The following SLC22A2 variants were observed in gnomAD, a reference collection of about 807,000 sequenced individuals.
SLC22A2 encodes solute carrier family 22 member 2.
SLC22A2 carries 46 observed loss-of-function variants against 60.5 expected under a neutral mutation model. The ratio of observed to expected loss-of-function variants is 0.76; its 90% CI spans 0.60 to 0.97. The LOEUF is 0.97. Among genes scored for constraint, SLC22A2 ranks in the 50% least tolerant of loss-of-function variants. The pLI, the probability that SLC22A2 is intolerant of heterozygous loss-of-function variation, is 0.00. For missense variants in SLC22A2, 701 were observed against 706.6 expected (o/e 0.99, Z 0.09); for synonymous variants, 303 against 267.0 (o/e 1.13, Z -1.31).
In SLC22A2 at chr6:160,243,650, T is replaced by C. The variant is rs1332039391; in HGVS notation, c.1201A>G (p.Ile401Val). The C allele has an allele frequency of 1.9e-6, 3 of 1,613,918 alleles. No individual in the cohort carries two copies. In the East Asian group the frequency reaches 6.7e-5, roughly 36 times the overall value. The change falls in exon 7 of 11, where the codon ATC becomes GTC. Residue 401 changes from isoleucine to valine, a missense_variant. Ile to Val is a conservative substitution (Grantham distance 29, BLOSUM62 3). Coordinates refer to ENST00000366953, the MANE Select transcript of SLC22A2 (RefSeq NM_003058.4). ...GCAGCCCAAGGGTAACGGCGTCCGA[T>C]GCGGTCGATGGTGAGGATGATCATG... ...AFMIILTIDR[I>V]GRRYPWAASN...
At chr6:160,241,173 T>C (rs1782994212) in intron 9 of SLC22A2, among the ~76,000 whole-genome samples, 1 of 152,134 alleles carries the variant, frequency 6.6e-6, no homozygotes, top group Non-Finnish European at 1.5e-5. Flanking sequence ...CTTTCTTCCT[T>C]CTCATTCTTC....
At chr6:160,232,008 T>TTTG (rs1782833429) in intron 9 of SLC22A2, among the ~76,000 whole-genome samples, 2 of 151,990 alleles carry the variant, frequency 1.3e-5, no homozygotes, top group South Asian at 4.1e-4. Context: ...ACTGTGTTAA[T>TTTG]GCTTTTAGAG....
In SLC22A2 at chr6:160,249,286, C is replaced by T. The variant is rs762880984; in HGVS notation, c.772G>A (p.Ala258Thr). 9.3e-6 allele frequency: 15 copies of T among 1,613,016 alleles called. No homozygotes were observed. The highest frequency in any genetic ancestry group is 1.3e-5 in the African/African-American group (1 of 74,916). The change falls in exon 4 of 11, where the codon GCA (alanine) becomes ACA (threonine). Residue 258 changes from alanine (A) to threonine (T), a missense_variant. Transcript: ENST00000366953. ...GLLVLAGVAY[A>T]LPHWRWLQFT... ...TGCAACCACCTCCAGTGAGGAAGTG[C>T]GTAAGCCACCCCAGCTAGCACCAGG...
chr6:160,241,774 A>G (rs1783007001), intron 8 of SLC22A2, among the ~76,000 whole-genome samples, 188 bp from the exon 9 acceptor site: 1 of 151,004 alleles, frequency 6.6e-6, no homozygotes, highest in Admixed American at 6.7e-5. Context: ...ACAACCATAT[A>G]CCACCTGTTT....
At chr6:160,219,222 T>C (rs1024455240) in intron 10 of SLC22A2, among the ~76,000 whole-genome samples, 1 of 103,580 alleles carries the variant, frequency 9.7e-6, no homozygotes, top group Admixed American at 1.0e-4. Flanking sequence ...GCAGCAATAA[T>C]TATAACAGCA....
At chr6:160,220,143 C>T (rs1469806270) in intron 10 of SLC22A2, among the ~76,000 whole-genome samples, 1 of 152,240 alleles carries the variant, frequency 6.6e-6, no homozygotes, top group Non-Finnish European at 1.5e-5. Flanking sequence ...AGTCAATCCT[C>T]TCAAACCCTG....
chr6:160,256,902 C>CTTT (rs1258873287), intron 1 of SLC22A2, among the ~76,000 whole-genome samples, 185 bp from the exon 2 acceptor site: 1 of 130,912 alleles, frequency 7.6e-6, no homozygotes, highest in African/African-American at 3.1e-5. Context: ...CTCTCTCTCT[C>CTTT]TTTTTTTTTT....
Position 160,247,182 on chromosome 6 carries a change from A to G in SLC22A2, c.957+2T>C, listed in dbSNP as rs759935345. On this transcript the variant is annotated splice_donor_variant, in intron 5 of 10. Coordinates refer to ENST00000366953, the MANE Select transcript of SLC22A2 (RefSeq NM_003058.4). LOFTEE classifies it high-confidence loss of function. ...GATTTGATACTTAAGGCCCTGGCTC[A>G]CCTGAAGGGAGGCGGGTAGAGATTT... 1.5e-5 allele frequency: 23 copies of G among 1,548,248 alleles called. No homozygotes were observed. The South Asian group carries it at 2.6e-4, about 17-fold the overall frequency.
intron 10 of SLC22A2, among the ~76,000 whole-genome samples, chr6:160,220,590 C>T (rs1324433489): frequency 1.3e-5 from 2 of 152,172 alleles, no homozygotes; most frequent in East Asian, 3.8e-4. Context: ...GAATTACCAT[C>T]TACGGTAGCT....
chr6:160,218,858 A>G (rs1343243735), intron 10 of SLC22A2, among the ~76,000 whole-genome samples: 1 of 15,422 alleles, frequency 6.5e-5, no homozygotes, highest in African/African-American at 2.4e-4. Context: ...AGCAGCAACA[A>G]TAGCCACAGA....
At chr6:160,219,573 G>A (rs1272897003) in intron 10 of SLC22A2, among the ~76,000 whole-genome samples, 1 of 149,120 alleles carries the variant, frequency 6.7e-6, no homozygotes, top group Admixed American at 6.8e-5. Context: ...GTGTGGTTTT[G>A]AGCAAGTCCT....
chr6:160,252,268 T>C (rs1783199986), intron 2 of SLC22A2, among the ~76,000 whole-genome samples: 1 of 152,224 alleles, frequency 6.6e-6, no homozygotes, highest in Non-Finnish European at 1.5e-5. Flanking sequence ...TTGACTCAAA[T>C]GGTACTTCTT....
chr6:160,248,868 T>A (rs1326353916), intron 4 of SLC22A2, among the ~76,000 whole-genome samples: 1 of 152,088 alleles, frequency 6.6e-6, no homozygotes, highest in African/African-American at 2.4e-5. Flanking sequence ...TTCCTCTGAG[T>A]GGGGAGAGAA....
intron 9 of SLC22A2, among the ~76,000 whole-genome samples, chr6:160,234,674 G>A (rs1458640109): frequency 6.6e-6 from 1 of 152,216 alleles, no homozygotes; most frequent in East Asian, 1.9e-4. Context: ...CCATCCAACA[G>A]ATAGGAATTT....
intron 9 of SLC22A2, among the ~76,000 whole-genome samples, chr6:160,236,787 C>T (rs898231440): frequency 1.2e-4 from 18 of 152,098 alleles, no homozygotes; most frequent in African/African-American, 4.3e-4. Context: ...CCTGAGTTAC[C>T]TAGGGACCTC....
At chr6:160,232,550 G>T (rs555669960) in intron 9 of SLC22A2, among the ~76,000 whole-genome samples, 1 of 146,838 alleles carries the variant, frequency 6.8e-6, no homozygotes, top group African/African-American at 2.5e-5. Context: ...CTATGCAAGG[G>T]TCCTCCATCA....
In SLC22A2 at chr6:160,245,522, A is replaced by G; in HGVS notation, c.981T>C (p.Thr327=). ...SLQRLRLEEE[T]GKKLNPSFLD... is the part of the protein sequence containing the mutation. ...GAAATGAAGGGTTCAATTTCTTGCC[A>G]GTTTCCTCTTCAAGTCTCAGGCGCT... The change falls in exon 6 of 11, where the codon ACT becomes ACC. Residue 327 remains threonine (T), a synonymous_variant. Coordinates refer to ENST00000366953, the MANE Select transcript of SLC22A2 (RefSeq NM_003058.4). 1.2e-6 allele frequency: 2 copies of G among 1,611,104 alleles called. No individual in the cohort carries two copies. Among genetic ancestry groups the G allele is most frequent in the South Asian group, 1.1e-5 (1 of 90,344 alleles).
In SLC22A2 at chr6:160,258,544, T is replaced by C; in HGVS notation, c.214A>G (p.Asn72Asp). ...RCGWSPAEEL[N>D]YTVPGPGPAG... ...GGTCCTGGGCCCGGCACCGTGTAGT[T>C]CAGTTCCTCTGCAGGACTCCAGCCG... The change falls in exon 1 of 11, where the codon AAC becomes GAC. Residue 72 changes from asparagine (N) to aspartate (D), a missense_variant. Asn to Asp is a conservative substitution (Grantham distance 23). Transcript: ENST00000366953. The C allele has an allele frequency of 3.7e-6, 6 of 1,613,966 alleles. No individual in the cohort carries two copies. Among genetic ancestry groups the C allele is most frequent in the Non-Finnish European group, 5.1e-6 (6 of 1,179,916 alleles).
intron 2 of SLC22A2, among the ~76,000 whole-genome samples, chr6:160,255,812 G>T (rs1783260381): frequency 6.6e-6 from 1 of 152,066 alleles, no homozygotes; most frequent in African/African-American, 2.4e-5. Flanking sequence ...GCAAATTTTT[G>T]GTTCCTTTTC....
Sources: allele counts gnomAD v4.1 joint callset (sites outside exome capture counted in the v4.1 genomes callset), GRCh38; gene constraint gnomAD v4.1.1; transcripts MANE v1.5; gene names NCBI Gene and HGNC (gene_info 2026-07-23, HGNC 2026-07-21).